Variants in ITPKB observed in about 807,000 individuals in gnomAD.
ITPKB encodes the protein IP3 3-kinase B.
A neutral mutation model predicts 69.4 loss-of-function variants in ITPKB; 13 were observed. The observed-to-expected ratio is 0.19, with a 90% CI of 0.12 to 0.30. The LOEUF (loss-of-function observed/expected upper bound fraction) is 0.30, where lower values mean the gene tolerates loss of function less well. Ranked by LOEUF, ITPKB falls within the 10% of genes least tolerant of loss-of-function variation. The pLI, the probability that ITPKB is intolerant of heterozygous loss-of-function variation, is 1.00. For missense variants in ITPKB, 1,240 were observed against 1,250.5 expected (o/e 0.99, Z 0.13); for synonymous variants, 584 against 513.7 (o/e 1.14, Z -1.85).
At chr1:226,652,626 C>T (rs999877551) in intron 2 of ITPKB, among the ~76,000 whole-genome samples, 3 of 152,258 alleles carry the variant, frequency 2.0e-5, no homozygotes, top group Non-Finnish European at 2.9e-5. Context: ...CTAGGAAATA[C>T]AAAAGTGGCC....
chr1:226,680,420 C>G (rs780176368), intron 2 of ITPKB, among the ~76,000 whole-genome samples: 1 of 152,200 alleles, frequency 6.6e-6, no homozygotes, highest in Non-Finnish European at 1.5e-5. Flanking sequence ...GCAGGAGGCA[C>G]AGAAATGTGT....
chr1:226,709,591 T>G (rs924166079), intron 2 of ITPKB, among the ~76,000 whole-genome samples: 2 of 152,144 alleles, frequency 1.3e-5, no homozygotes, highest in African/African-American at 2.4e-5. Context: ...GACATCCAAC[T>G]TCCCCCCAAC....
chr1:226,717,716 C>T (rs893155835), intron 2 of ITPKB, among the ~76,000 whole-genome samples: 2 of 152,344 alleles, frequency 1.3e-5, no homozygotes, highest in Middle Eastern at 3.4e-3. Context: ...CAGGGGCCGC[C>T]GTCCGGGCCT....
intron 2 of ITPKB, among the ~76,000 whole-genome samples, chr1:226,716,486 T>C (rs1657100003): frequency 6.6e-6 from 1 of 152,238 alleles, no homozygotes; most frequent in African/African-American, 2.4e-5. Flanking sequence ...ACAAGTGCCA[T>C]GGTGGTTTGC....
intron 2 of ITPKB, among the ~76,000 whole-genome samples, chr1:226,723,347 T>A (rs1657301257): frequency 6.6e-6 from 1 of 151,910 alleles, no homozygotes; most frequent in South Asian, 2.1e-4. Context: ...TGGACCTGAG[T>A]CCCTGTGAAT....
intron 2 of ITPKB, among the ~76,000 whole-genome samples, chr1:226,663,437 G>A (rs1303056859): frequency 2.0e-5 from 3 of 152,094 alleles, no homozygotes; most frequent in Non-Finnish European, 2.9e-5. Flanking sequence ...CCCGCCCACC[G>A]GGAGCAGGGA....
intron 2 of ITPKB, among the ~76,000 whole-genome samples, chr1:226,656,340 G>A (rs555854379): frequency 2.0e-4 from 30 of 152,306 alleles, no homozygotes; most frequent in African/African-American, 7.0e-4. Context: ...AGGTGTGGGA[G>A]GGGCTGCACT....
At chr1:226,725,149 TACA>T (rs1657370312) in intron 2 of ITPKB, among the ~76,000 whole-genome samples, 1 of 152,262 alleles carries the variant, frequency 6.6e-6, no homozygotes, top group Non-Finnish European at 1.5e-5. Flanking sequence ...TCAATGGCCG[TACA>T]ACTTGTTCTT....
chr1:226,653,325 G>C (rs893743619), intron 2 of ITPKB, among the ~76,000 whole-genome samples: 1 of 152,218 alleles, frequency 6.6e-6, no homozygotes, highest in Non-Finnish European at 1.5e-5. Context: ...CCAGTCTCGA[G>C]ACAGCAGGAT....
At position 226,639,560 on chromosome 1, in the gene ITPKB, G is replaced by A. The variant is rs199794306; in HGVS notation, c.2550C>T (p.Ile850=). 6.6e-5 allele frequency: 106 copies of A among 1,599,640 alleles called. 1 individual carries two copies. In the East Asian group the frequency reaches 2.3e-3, roughly 35 times the overall value. ...FREFTKGNHN[I]LIAYRDRLKA... is the part of the protein sequence containing the mutation. ...TCTCTGGAGGTGCCAGACTCACCAG[G>A]ATGTTATGGTTTCCTTTAGTGAACT... Residue 850 remains isoleucine, a synonymous_variant, in exon 6 of 8, where the codon ATC becomes ATT. Coordinates refer to ENST00000429204, the MANE Select transcript of ITPKB (RefSeq NM_002221.4).
Position 226,721,527 on chromosome 1 carries a change from C to A in ITPKB, c.1932+14000G>T, listed in dbSNP as rs1657243618. The stretch of plus-strand genomic sequence containing the variant: ...CTTTTTTTTTTGAGACGGGGTTTCG[C>A]TCTTATTGCACAGGCTGGAGTGCAG... On this transcript the variant is annotated intron_variant, in intron 2 of 7. Coordinates refer to ENST00000429204, the MANE Select transcript of ITPKB (RefSeq NM_002221.4). 2.6e-5 allele frequency among the ~76,000 whole-genome samples: 4 copies of A among 151,696 alleles called. No individual in the cohort carries two copies. The South Asian group carries it at 8.3e-4, about 31-fold the overall frequency.
intron 2 of ITPKB, among the ~76,000 whole-genome samples, chr1:226,708,067 C>A (rs563723658): frequency 1.4e-4 from 21 of 152,238 alleles, no homozygotes; most frequent in African/African-American, 5.1e-4. Flanking sequence ...AGGAATCAGA[C>A]CACACAGTTG....
intron 2 of ITPKB, among the ~76,000 whole-genome samples, chr1:226,723,436 C>A (rs879626679): frequency 4.6e-5 from 7 of 152,126 alleles, no homozygotes; most frequent in Non-Finnish European, 1.0e-4. Context: ...TGTTAATAAG[C>A]ACGTGCCTGG....
At chr1:226,734,098 A>T (rs753291005) in intron 2 of ITPKB, among the ~76,000 whole-genome samples, 2 of 152,212 alleles carry the variant, frequency 1.3e-5, no homozygotes, top group Admixed American at 1.3e-4. Flanking sequence ...CTTCAGAAAG[A>T]AGTATTTCCC....
In ITPKB at chr1:226,719,866, C is replaced by T. The variant is rs185546164; in HGVS notation, c.1932+15661G>A. Among the ~76,000 whole-genome samples, 703 of 152,312 alleles carry T rather than the reference C, an allele frequency of 4.6e-3. 5 individuals are homozygous for T. Among genetic ancestry groups the T allele is most frequent in the African/African-American group, 0.017 (689 of 41,564 alleles). ...CCCTCTTTCCCGTGGGCAGATCTGC[C>T]CTTCTCCCTGTGGGAGGCAGGCTGA... On this transcript the variant is annotated intron_variant, in intron 2 of 7. Coordinates refer to ENST00000429204, the MANE Select transcript of ITPKB (RefSeq NM_002221.4).
At position 226,737,221 on chromosome 1, in the gene ITPKB, G is replaced by A. The variant is rs769157073; in HGVS notation, c.238C>T (p.Arg80Cys). Residue 80 changes from arginine (R) to cysteine (C), a missense_variant, in exon 2 of 8, where the codon CGC becomes TGC. Arg to Cys is a radical substitution (Grantham distance 180). Transcript: ENST00000429204. Reference sequence around the variant, plus strand: ...CTGCCGCTGCTACTATTCAGCCTGCGCCGGCCGCTCCGCCAGCCCCCGGGG... The same window carrying A: ...CTGCCGCTGCTACTATTCAGCCTGCACCGGCCGCTCCGCCAGCCCCCGGGG... Reference protein sequence around the residue: ...RSPGGWRSGRRRLNSSSGSGS... With the variant: ...RSPGGWRSGRCRLNSSSGSGS... 368 of 1,567,324 alleles carry A rather than the reference G, an allele frequency of 2.3e-4. No homozygotes were observed. Among genetic ancestry groups the A allele is most frequent in the Non-Finnish European group, 3.1e-4 (361 of 1,164,260 alleles).
intron 2 of ITPKB, among the ~76,000 whole-genome samples, chr1:226,706,872 T>C (rs946218174): frequency 6.6e-5 from 10 of 152,184 alleles, no homozygotes; most frequent in Non-Finnish European, 1.5e-4. Context: ...GCCAGGGGAC[T>C]GGGGTGGCTG....
chr1:226,654,770 G>C (rs1669257882), intron 2 of ITPKB, among the ~76,000 whole-genome samples: 1 of 152,206 alleles, frequency 6.6e-6, no homozygotes, highest in African/African-American at 2.4e-5. Context: ...CTTCCCATCA[G>C]GCATCCTCAG....
At chr1:226,735,497 G>C in intron 2 of ITPKB, 30 bp downstream of exon 2, 1 of 1,481,050 alleles carries the variant, frequency 6.8e-7, no homozygotes, top group Admixed American at 2.4e-5. Context: ...ATCAGCATGA[G>C]TTCTGGGCAA....
Sources: allele counts gnomAD v4.1 joint callset (sites outside exome capture counted in the v4.1 genomes callset), GRCh38; gene constraint gnomAD v4.1.1; transcripts MANE v1.5; gene names NCBI Gene and HGNC (gene_info 2026-07-23, HGNC 2026-07-21).